The following ELF3 variants were observed in gnomAD, a reference collection of about 807,000 sequenced individuals.
ELF3 encodes ETS-related transcription factor Elf-3.
In ELF3, 18 loss-of-function variants were observed where a neutral mutation model predicts 43.9. The observed-to-expected ratio is 0.41, with a 90% CI of 0.28 to 0.61. The LOEUF is 0.61. ELF3 is among the 20% of genes least tolerant of loss of function. ELF3 has a pLI of 0.30. For missense variants in ELF3, 373 were observed against 487.7 expected (o/e 0.76, Z 2.21); for synonymous variants, 181 against 190.2 (o/e 0.95, Z 0.40).
In ELF3 at chr1:202,012,047, ACGACGCAAGCG is replaced by A. The variant is rs1420764046; in HGVS notation, c.256_266del (p.Asp86HisfsTer2). ...AGCTACCAAGTGGAGAAGAACAAGT[ACGACGCAAGCG>A]CCATTGACTTCTCACGATGTGACAT... On this transcript the variant is annotated frameshift_variant, in exon 3 of 9. Transcript: ENST00000367284. LOFTEE classifies it high-confidence loss of function. This position sits in a 1 kb window ranked among gnomAD's most constrained non-coding sequence, Gnocchi z 4.2. 6.2e-7 allele frequency: 1 copy of A among 1,614,236 alleles called. No individual in the cohort carries two copies. Among genetic ancestry groups the A allele is most frequent in the Admixed American group, 1.7e-5 (1 of 60,032 alleles).
In ELF3 at chr1:202,016,244, C is replaced by T. The variant is rs1684307881; in HGVS notation, c.*921C>T. 1 of 152,484 alleles carries T rather than the reference C, an allele frequency of 6.6e-6. No individual in the cohort carries two copies. The highest frequency in any genetic ancestry group is 1.5e-5 in the Non-Finnish European group (1 of 68,140). 9.4% of individuals were successfully genotyped at this position (152,484 alleles called of 1,614,324 possible). A position where few individuals can be genotyped will look rare whatever the true frequency, so the allele number is the denominator to read the frequency against. On this transcript the variant is annotated 3_prime_UTR_variant, in exon 9 of 9. Transcript: ENST00000367284. ...GAACGCTTACAAGACTTCATGCAAG[C>T]AAGGACATGAACTCAGAACACTGAG...
rs780871312 is a variant in ELF3, at chr1:202,013,171, C to T, written c.689-11C>T. On this transcript the variant is annotated splice_polypyrimidine_tract_variant and intron_variant, in intron 6 of 8. Transcript: ENST00000367284. The surrounding 1 kb of genome is among the most constrained non-coding windows in gnomAD (Gnocchi z 5.7). ...TTGCCCCTCCTTGACCTTCCACCAC[C>T]GTCCCCACAGATGGTTTTCGTGACT... is the stretch of plus-strand genomic sequence containing the variant. 1.8e-5 allele frequency: 29 copies of T among 1,613,616 alleles called. No individual in the cohort carries two copies. The East Asian group carries it at 2.2e-4, about 12-fold the overall frequency.
rs2102991371 is a variant in ELF3, at chr1:202,011,283, G to A, written c.147G>A (p.Met49Ile). The part of the protein sequence containing the change: ...DLVLTLSNPQ[M>I]SLEGTEKASW... ...TACTGACCCTGAGCAACCCCCAGAT[G>A]TCATTGGAGGGTACAGGTGGGTCTC... is the stretch of plus-strand genomic sequence containing the variant. The change falls in exon 2 of 9, where the codon ATG becomes ATA. Residue 49 changes from methionine to isoleucine, a missense_variant. Around this residue, in one of 3 missense-constraint regions of ELF3, gnomAD observed 311 missense variants for 351.2 expected, o/e 0.89. Coordinates refer to ENST00000367284, the MANE Select transcript of ELF3 (RefSeq NM_004433.5). The A allele has an allele frequency of 2.5e-6, 4 of 1,600,676 alleles. No individual in the cohort carries two copies. The East Asian group carries it at 6.7e-5, about 27-fold the overall frequency.
rs777672638 is a variant in ELF3 at position 202,013,145 on chromosome 1, C to G, written c.689-37C>G. On this transcript the variant is annotated intron_variant, in intron 6 of 8. Coordinates refer to ENST00000367284, the MANE Select transcript of ELF3 (RefSeq NM_004433.5). This position sits in a 1 kb window ranked among gnomAD's most constrained non-coding sequence, Gnocchi z 5.7. ...AGGGGCTACTCTCCCTAACTCCCCT[C>G]TTGCCCCTCCTTGACCTTCCACCAC... 9.9e-6 allele frequency: 16 copies of G among 1,610,958 alleles called. No homozygotes were observed. The South Asian group carries it at 1.8e-4, about 18-fold the overall frequency.
rs1265537109 is a variant in ELF3, at chr1:202,012,432, C to G, written c.474C>G (p.Pro158=). 1 of 1,613,656 alleles carries G rather than the reference C, an allele frequency of 6.2e-7. No individual in the cohort carries two copies. The highest frequency in any genetic ancestry group is 1.1e-5 in the South Asian group (1 of 91,056). Residue 158 remains proline (P), a synonymous_variant, in exon 4 of 9, where the codon CCC becomes CCG. Transcript: ENST00000367284. This position sits in a 1 kb window ranked among gnomAD's most constrained non-coding sequence, Gnocchi z 4.2. Reference sequence around the variant, plus strand: ...TCCAGGAGGCCCTAGACCCAGGGCCCTTTGGTGAGAACCCGTTTTCTCCTT... The same window carrying G: ...TCCAGGAGGCCCTAGACCCAGGGCCGTTTGGTGAGAACCCGTTTTCTCCTT... ...MAFQEALDPG[P]FDQGSPFAQE... is the part of the protein sequence containing the mutation.
Position 202,013,769 on chromosome 1 carries a change from G to T in ELF3, c.806-60G>T. ...GCAGTGCACTGGGGCGGGCAGGGCTGGCTGGCCTTGGGTGAGAGGGGACAC... is the reference window on the plus strand; with the variant it reads ...GCAGTGCACTGGGGCGGGCAGGGCTTGCTGGCCTTGGGTGAGAGGGGACAC... On this transcript the variant is annotated intron_variant, in intron 7 of 8. Coordinates refer to ENST00000367284, the MANE Select transcript of ELF3 (RefSeq NM_004433.5). The surrounding 1 kb of genome is among the most constrained non-coding windows in gnomAD (Gnocchi z 5.7). The T allele has an allele frequency of 6.5e-7, 1 of 1,546,522 alleles. No individual in the cohort carries two copies. Among genetic ancestry groups the T allele is most frequent in the Non-Finnish European group, 8.7e-7 (1 of 1,143,526 alleles).
In ELF3 at chr1:202,011,997, G is replaced by A. The variant is rs372289184; in HGVS notation, c.204G>A (p.Ser68=). The A allele has an allele frequency of 2.0e-5, 32 of 1,614,002 alleles. No homozygotes were observed. The highest frequency in any genetic ancestry group is 4.5e-5 in the East Asian group (2 of 44,902). The stretch of plus-strand genomic sequence containing the variant: ...TGGGGGAACAGCCCCAGTTCTGGTC[G>A]AAGACGCAGGTTCTGGACTGGATCA... ...SWLGEQPQFW[S]KTQVLDWISY... Residue 68 remains serine (S), a synonymous_variant, in exon 3 of 9, where the codon TCG becomes TCA. Transcript: ENST00000367284.
chr1:202,014,722 C>T (rs1348756649), intron 8 of ELF3, among the ~76,000 whole-genome samples: 2 of 152,266 alleles, frequency 1.3e-5, no homozygotes, highest in Admixed American at 6.5e-5. Flanking sequence ...ATTCTTGTGC[C>T]TCAGCCTCCA....
intron 1 of ELF3, 31 bp from the exon 2 acceptor site, chr1:202,011,098 C>T (rs1290579454): frequency 9.3e-6 from 15 of 1,611,758 alleles, no homozygotes; most frequent in Non-Finnish European, 1.3e-5. Context: ...CGTCCCCTCA[C>T]CAACCTCATC....
intron 8 of ELF3, 25 bp downstream of exon 8, chr1:202,014,049 C>T (rs1378846419): frequency 9.4e-6 from 15 of 1,588,256 alleles, no homozygotes; most frequent in Admixed American, 1.7e-5. Flanking sequence ...AGGACCCTCA[C>T]GATACAGCCG....
Position 202,013,126 on chromosome 1 carries a change from T to C in ELF3, c.689-56T>C, listed in dbSNP as rs1684244574. ...CTGCAGCCTTTTCCTGTAGAGGGGC[T>C]ACTCTCCCTAACTCCCCTCTTGCCC... On this transcript the variant is annotated intron_variant, in intron 6 of 8. Transcript: ENST00000367284. This position sits in a 1 kb window ranked among gnomAD's most constrained non-coding sequence, Gnocchi z 5.7. 4.4e-6 allele frequency: 7 copies of C among 1,605,784 alleles called. No homozygotes were observed. The South Asian group carries it at 7.8e-5, about 18-fold the overall frequency.
Position 202,012,601 on chromosome 1 carries a change from C to G in ELF3, c.479-39C>G. 6.4e-7 allele frequency: 1 copy of G among 1,555,728 alleles called. No individual in the cohort carries two copies. The highest frequency in any genetic ancestry group is 1.4e-5 in the African/African-American group (1 of 73,278). On this transcript the variant is annotated intron_variant, in intron 4 of 8. Transcript: ENST00000367284. This position sits in a 1 kb window ranked among gnomAD's most constrained non-coding sequence, Gnocchi z 4.2. ...GCAGCATCACCTGTCCTGGTCTGGT[C>G]CCCTGAGCCCTCTCTGAGTTCTCAC...
chr1:202,012,146 G>A lies in ELF3; in HGVS notation c.353G>A (p.Gly118Glu). Reference sequence around the variant, plus strand: ...CTGCGTCTGGTCTTTGGGCCTCTGGGGGACCAACTCCATGCCCAGCTGCGA... The same window carrying A: ...CTGCGTCTGGTCTTTGGGCCTCTGGAGGACCAACTCCATGCCCAGCTGCGA... Reference protein sequence around the residue: ...EELRLVFGPLGDQLHAQLRDL... With the variant: ...EELRLVFGPLEDQLHAQLRDL... Residue 118 changes from glycine to glutamate, a missense_variant, in exon 3 of 9, where the codon GGG (glycine) becomes GAG (glutamate). Gly to Glu is a moderately conservative substitution (Grantham distance 98). Around this residue, in one of 3 missense-constraint regions of ELF3, gnomAD observed 311 missense variants for 351.2 expected, o/e 0.89. Transcript: ENST00000367284. This position sits in a 1 kb window ranked among gnomAD's most constrained non-coding sequence, Gnocchi z 4.2. 1 of 1,613,722 alleles carries A rather than the reference G, an allele frequency of 6.2e-7. No homozygotes were observed. The highest frequency in any genetic ancestry group is 8.5e-7 in the Non-Finnish European group (1 of 1,180,034).
In ELF3 at chr1:202,012,589, T is replaced by A; in HGVS notation, c.479-51T>A. The stretch of plus-strand genomic sequence containing the variant: ...TCAGACCCATGGGCAGCATCACCTG[T>A]CCTGGTCTGGTCCCCTGAGCCCTCT... On this transcript the variant is annotated intron_variant, in intron 4 of 8. Coordinates refer to ENST00000367284, the MANE Select transcript of ELF3 (RefSeq NM_004433.5). This position sits in a 1 kb window ranked among gnomAD's most constrained non-coding sequence, Gnocchi z 4.2. 1 of 1,557,746 alleles carries A rather than the reference T, an allele frequency of 6.4e-7. No homozygotes were observed. The highest frequency in any genetic ancestry group is 1.2e-5 in the South Asian group (1 of 81,868).
Position 202,015,481 on chromosome 1 carries a change from T to A in ELF3, c.*158T>A. 1.4e-6 allele frequency: 1 copy of A among 713,328 alleles called. No individual in the cohort carries two copies. The highest frequency in any genetic ancestry group is 1.8e-5 in the South Asian group (1 of 55,444). 44.2% of individuals were successfully genotyped at this position (713,328 alleles called of 1,614,324 possible). A position where few individuals can be genotyped will look rare whatever the true frequency, so the allele number is the denominator to read the frequency against. On this transcript the variant is annotated 3_prime_UTR_variant, in exon 9 of 9. Coordinates refer to ENST00000367284, the MANE Select transcript of ELF3 (RefSeq NM_004433.5). ...TTTGGTGTATTGTCAGCCATCGTCC[T>A]GGGACTCGGAGACTATGGCCTCGCC...
In ELF3 at chr1:202,014,025, G is replaced by A. The variant is rs1402176596; in HGVS notation, c.1001+1G>A. On this transcript the variant is annotated splice_donor_variant, in intron 8 of 8. Transcript: ENST00000367284. LOFTEE classifies it high-confidence loss of function. ...ACGAGAAGCTGAGCCGGGCCATGAG[G>A]TGAGCTGGCGGCCAGGACCCTCACG... 1.2e-6 allele frequency: 2 copies of A among 1,605,388 alleles called. No homozygotes were observed. Among genetic ancestry groups the A allele is most frequent in the Non-Finnish European group, 1.7e-6 (2 of 1,173,672 alleles).
In ELF3 at chr1:202,012,701, C is replaced by G; in HGVS notation, c.540C>G (p.His180Gln). ...LDDGQQASPY[H>Q]PGSCGAGAPS... ...ACGGTCAGCAAGCCAGCCCCTACCACCCCGGCAGCTGTGGCGCAGGAGCCC... is the reference window on the plus strand; with the variant it reads ...ACGGTCAGCAAGCCAGCCCCTACCAGCCCGGCAGCTGTGGCGCAGGAGCCC... The change falls in exon 5 of 9, where the codon CAC (histidine) becomes CAG (glutamine). Residue 180 changes from histidine to glutamine, a missense_variant. This residue lies in a region of ELF3 where 311 missense variants were observed against 351.2 expected (regional missense o/e 0.89). Transcript: ENST00000367284. The surrounding 1 kb of genome is among the most constrained non-coding windows in gnomAD (Gnocchi z 4.2). 3 of 1,608,446 alleles carry G rather than the reference C, an allele frequency of 1.9e-6. No homozygotes were observed. Among genetic ancestry groups the G allele is most frequent in the Non-Finnish European group, 2.5e-6 (3 of 1,177,420 alleles).
At chr1:202,014,704 T>C (rs1028956014) in intron 8 of ELF3, among the ~76,000 whole-genome samples, 2 of 152,216 alleles carry the variant, frequency 1.3e-5, no homozygotes, top group African/African-American at 4.8e-5. Context: ...GCCTGCCGGG[T>C]TCAAGTGATT....
At chr1:202,011,468 A>C in intron 2 of ELF3, 169 bp downstream of exon 2, 1 of 809,854 alleles carries the variant, frequency 1.2e-6, no homozygotes, top group Non-Finnish European at 1.8e-6. Context: ...TGTGACAGGC[A>C]GAGGGAGGTG....
Sources: allele counts gnomAD v4.1 joint callset (sites outside exome capture counted in the v4.1 genomes callset), GRCh38; gene constraint gnomAD v4.1.1; regional missense constraint gnomAD v4.1.1; non-coding constraint Gnocchi (gnomAD v3.1); transcripts MANE v1.5; gene names NCBI Gene and HGNC (gene_info 2026-07-23, HGNC 2026-07-21).